CACNA1A: variants seen among roughly 807,000 people sequenced by gnomAD.
CACNA1A encodes the protein calcium voltage-gated channel subunit alpha1 A.
Under a neutral mutation model 262.4 loss-of-function variants are expected in CACNA1A, and 57 were observed. That is an observed-to-expected ratio of 0.22 (90% confidence interval 0.18 to 0.27). The LOEUF (loss-of-function observed/expected upper bound fraction) is 0.27, where lower values mean the gene tolerates loss of function less well. CACNA1A is among the 10% of genes least tolerant of loss of function. The pLI is 1.00. For synonymous variants in CACNA1A, 1,431 were observed against 1,419.3 expected, an observed-to-expected ratio of 1.01 and a Z score of -0.18; for missense variants, 2,526 against 3,562.8, an observed-to-expected ratio of 0.71 and a Z score of 7.41.
At chr19:13,429,287 T>C (rs2060462377) in intron 3 of CACNA1A, among the ~76,000 whole-genome samples, 1 of 151,710 alleles carries the variant, frequency 6.6e-6, no homozygotes, top group African/African-American at 2.4e-5. Context: ...AGCACGCCTG[T>C]CCTGGTTTCT....
chr19:13,368,480 A>ACTTCAC (rs2059257601), intron 4 of CACNA1A, among the ~76,000 whole-genome samples: 1 of 152,018 alleles, frequency 6.6e-6, no homozygotes. Context: ...CTACAGGCAC[A>ACTTCAC]CTTCACCATA....
chr19:13,335,955 C>T, intron 6 of CACNA1A, 46 bp from the exon 7 acceptor site: 3 of 1,108,520 alleles, frequency 2.7e-6, no homozygotes, highest in Non-Finnish European at 4.0e-6. Flanking sequence ...GACTGGGACT[C>T]AGATAGAACC....
At chr19:13,467,000 C>T (rs2061257063) in intron 1 of CACNA1A, among the ~76,000 whole-genome samples, 1 of 150,500 alleles carries the variant, frequency 6.6e-6, no homozygotes, top group Non-Finnish European at 1.5e-5. Context: ...CCTCCCAAAA[C>T]ACTGGGATTA....
chr19:13,284,782 G>A (rs1053339970), intron 21 of CACNA1A, among the ~76,000 whole-genome samples: 3 of 152,152 alleles, frequency 2.0e-5, no homozygotes, highest in Admixed American at 1.3e-4. Flanking sequence ...TTTATTTGTT[G>A]TTTAGGACAA....
chr19:13,332,725 A>C, intron 9 of CACNA1A, 144 bp downstream of exon 9: 1 of 509,270 alleles, frequency 2.0e-6, no homozygotes, highest in Non-Finnish European at 3.5e-6. Flanking sequence ...GAAACTCTGC[A>C]TGGAAGTCCT....
chr19:13,446,968 G>T (rs903004944), intron 3 of CACNA1A, among the ~76,000 whole-genome samples: 1 of 152,070 alleles, frequency 6.6e-6, no homozygotes, highest in Non-Finnish European at 1.5e-5. Context: ...TTGGAATTTG[G>T]AGTAATAAAA....
intron 3 of CACNA1A, among the ~76,000 whole-genome samples, chr19:13,381,230 AT>A (rs1354265809): frequency 2.6e-5 from 4 of 152,000 alleles, no homozygotes; most frequent in East Asian, 1.9e-4. Context: ...ATTAAAAAAA[AT>A]AATAACAATT....
At chr19:13,211,706 A>C in intron 43 of CACNA1A, 1 of 237,668 alleles carries the variant, frequency 4.2e-6, no homozygotes, top group Non-Finnish European at 8.4e-6. Context: ...GTGTGCATGT[A>C]TGTTGAGCAT....
At chr19:13,466,450 C>T (rs558509025) in intron 1 of CACNA1A, among the ~76,000 whole-genome samples, 11 of 152,018 alleles carry the variant, frequency 7.2e-5, no homozygotes, top group East Asian at 1.9e-4. Context: ...AAGCTATTCT[C>T]GTGCCTCAGC....
chr19:13,215,867 C>T (rs1373392516), intron 38 of CACNA1A, among the ~76,000 whole-genome samples: 2 of 152,158 alleles, frequency 1.3e-5, no homozygotes, highest in African/African-American at 2.4e-5. Context: ...AGTGACCCAT[C>T]TGTTCAAGGC....
chr19:13,430,236 C>T (rs1305569688), intron 3 of CACNA1A, among the ~76,000 whole-genome samples: 4 of 151,596 alleles, frequency 2.6e-5, no homozygotes, highest in Admixed American at 2.0e-4. Context: ...GACAGAGTTT[C>T]GCTCTTGTGG....
intron 1 of CACNA1A, among the ~76,000 whole-genome samples, chr19:13,456,249 A>T (rs2144952905): frequency 1.3e-5 from 2 of 152,330 alleles, no homozygotes; most frequent in Non-Finnish European, 2.9e-5. Context: ...AAAAACAGAT[A>T]TGCTGGGCTT....
intron 3 of CACNA1A, among the ~76,000 whole-genome samples, chr19:13,383,397 A>T (rs2059554686): frequency 6.6e-6 from 1 of 152,160 alleles, no homozygotes; most frequent in African/African-American, 2.4e-5. Context: ...GGTTTCAAAG[A>T]TCAAGAACTG....
chr19:13,356,831 T>C (rs4926156), intron 6 of CACNA1A, among the ~76,000 whole-genome samples: 119,279 of 152,098 alleles, frequency 0.78, 47,662 homozygotes, highest in East Asian at 0.99. Flanking sequence ...AATTCCCCAG[T>C]GAGTTTTGGC....
At position 13,212,848 on chromosome 19, in the gene CACNA1A, A is replaced by ACTCT; in HGVS notation, c.5941-112_5941-109dup. 7 of 542,144 alleles carry ACTCT rather than the reference A, an allele frequency of 1.3e-5. No individual in the cohort carries two copies. In the South Asian group the frequency reaches 2.1e-4, roughly 16 times the overall value. 33.6% of individuals were successfully genotyped at this position (542,144 alleles called of 1,614,324 possible). A position where few individuals can be genotyped will look rare whatever the true frequency, so the allele number is the denominator to read the frequency against. On this transcript the variant is annotated intron_variant, in intron 40 of 46. Coordinates refer to ENST00000360228, the MANE Select transcript of CACNA1A (RefSeq NM_001127222.2). This position sits in a 1 kb window ranked among gnomAD's most constrained non-coding sequence, Gnocchi z 5.6. The stretch of plus-strand genomic sequence containing the variant: ...AGTATACACACACACACACACACAC[A>ACTCT]CTCTCTCAGGTCTCATCCATCTAGA...
At chr19:13,497,203 G>A (rs1302880044) in intron 1 of CACNA1A, among the ~76,000 whole-genome samples, 1 of 151,878 alleles carries the variant, frequency 6.6e-6, no homozygotes, top group Non-Finnish European at 1.5e-5. Context: ...GCTGTGAAAT[G>A]TCTTAGCTCC....
At chr19:13,392,041 A>AG (rs1425071772) in intron 3 of CACNA1A, among the ~76,000 whole-genome samples, 2 of 150,710 alleles carry the variant, frequency 1.3e-5, no homozygotes, top group Non-Finnish European at 3.0e-5. Flanking sequence ...AAAAAAAAAA[A>AG]AAAAAAGAAA....
At chr19:13,385,400 T>TG (rs1345089138) in intron 3 of CACNA1A, among the ~76,000 whole-genome samples, 8 of 152,128 alleles carry the variant, frequency 5.3e-5, no homozygotes, top group Admixed American at 1.3e-4. Flanking sequence ...TGGCTAATTT[T>TG]TACATTTTTA....
chr19:13,398,816 G>C (rs2059851806), intron 3 of CACNA1A, among the ~76,000 whole-genome samples: 1 of 152,244 alleles, frequency 6.6e-6, no homozygotes, highest in African/African-American at 2.4e-5. Context: ...TAAGTGCTCA[G>C]GAAGTAGCGG....
Sources: gnomAD v4.1 joint callset for allele counts (sites outside exome capture counted in the v4.1 genomes callset) on GRCh38, gnomAD v4.1.1 for gene constraint, Gnocchi (gnomAD v3.1) non-coding constraint, MANE v1.5 for transcripts, NCBI Gene and HGNC (gene_info 2026-07-23, HGNC 2026-07-21) for gene names.